The following CSMD1 variants were observed in gnomAD, a reference collection of about 807,000 sequenced individuals.
The protein encoded by CSMD1 is CUB and sushi domain-containing protein 1.
Under a neutral mutation model 417.5 loss-of-function variants are expected in CSMD1, and 213 were observed. That is an observed-to-expected ratio of 0.51 (90% CI 0.46 to 0.57). The LOEUF (loss-of-function observed/expected upper bound fraction) is 0.57. Among genes scored for constraint, CSMD1 ranks in the 20% least tolerant of loss-of-function variants. The pLI is 0.00. For missense variants in CSMD1, 6,923 were observed against 4,529.7 expected (o/e 1.53, Z -15.17); for synonymous variants, 2,862 against 1,736.8 (o/e 1.65, Z -16.11).
intron 3 of CSMD1, among the ~76,000 whole-genome samples, chr8:4,143,437 C>G (rs540312621): frequency 6.7e-6 from 1 of 148,818 alleles, no homozygotes; most frequent in Non-Finnish European, 1.5e-5. Context: ...GTTCGGATAC[C>G]TTTGGTAAAT....
At chr8:3,341,053 A>G (rs916058011) in intron 23 of CSMD1, among the ~76,000 whole-genome samples, 1 of 152,378 alleles carries the variant, frequency 6.6e-6, no homozygotes. Context: ...TCAAGCTTTT[A>G]CAAAGTTACT....
At chr8:4,836,584 TG>T (rs1258693572) in intron 1 of CSMD1, among the ~76,000 whole-genome samples, 1 of 152,258 alleles carries the variant, frequency 6.6e-6, no homozygotes, top group East Asian at 1.9e-4. Context: ...GAATAAGTTT[TG>T]ATTAGTATGC....
chr8:3,631,290 T>C (rs749129604), intron 7 of CSMD1, among the ~76,000 whole-genome samples: 12 of 152,176 alleles, frequency 7.9e-5, no homozygotes, highest in Non-Finnish European at 1.5e-4. Context: ...TGTAGGCCCA[T>C]GGTAGCAGCG....
chr8:3,768,013 G>A (rs1464404141), intron 5 of CSMD1, among the ~76,000 whole-genome samples: 1 of 152,104 alleles, frequency 6.6e-6, no homozygotes, highest in East Asian at 1.9e-4. Context: ...CAAACTCCAT[G>A]AATGCACCAG....
intron 3 of CSMD1, among the ~76,000 whole-genome samples, chr8:4,032,802 A>G (rs1797415758): frequency 6.6e-6 from 1 of 152,176 alleles, no homozygotes; most frequent in Non-Finnish European, 1.5e-5. Flanking sequence ...AATAAAATTC[A>G]AAGGCCGTCA....
chr8:4,338,597 A>G lies in CSMD1; in HGVS notation c.415+81356T>C, dbSNP rs1407466210. Among the ~76,000 whole-genome samples, 4 of 152,250 alleles carry G rather than the reference A, an allele frequency of 2.6e-5. No individual in the cohort carries two copies. The East Asian group carries it at 7.7e-4, about 29-fold the overall frequency. ...AACACCTCTGACATACTCATAATAG[A>G]AACACAGCAATTAAATCTTTAAATT... On this transcript the variant is annotated intron_variant, in intron 3 of 69. Coordinates refer to ENST00000635120, the MANE Select transcript of CSMD1 (RefSeq NM_033225.6).
chr8:4,306,664 G>A (rs543467197), intron 3 of CSMD1, among the ~76,000 whole-genome samples: 170 of 152,024 alleles, frequency 1.1e-3, no homozygotes, highest in Non-Finnish European at 1.2e-3. Context: ...TCACATGTAG[G>A]TGATTGTACA....
At chr8:3,760,053 T>C (rs1414430075) in intron 5 of CSMD1, among the ~76,000 whole-genome samples, 2 of 152,050 alleles carry the variant, frequency 1.3e-5, no homozygotes, top group Admixed American at 1.3e-4. Flanking sequence ...CAAACGGAGC[T>C]TGCCAGGTCA....
intron 3 of CSMD1, among the ~76,000 whole-genome samples, chr8:4,128,775 A>T (rs1315743879): frequency 6.6e-6 from 1 of 152,034 alleles, no homozygotes; most frequent in Non-Finnish European, 1.5e-5. Context: ...ACACACCATC[A>T]ACTCATCCTT....
Position 3,893,347 on chromosome 8 carries a change from A to G in CSMD1, c.818+104556T>C, listed in dbSNP as rs190829585. 6.5e-5 allele frequency among the ~76,000 whole-genome samples: 8 copies of G among 122,518 alleles called. 1 individual carries two copies. In the East Asian group the frequency reaches 1.5e-3, roughly 22 times the overall value. The allele number at this position is 122,518 out of a possible 152,430, so 80.4% of individuals were successfully genotyped here. ...TAATAATATTCACAATTTTATATAT[A>G]TATATATATATATATTATTTTTTTT... On this transcript the variant is annotated intron_variant, in intron 5 of 69. Transcript: ENST00000635120.
intron 3 of CSMD1, among the ~76,000 whole-genome samples, chr8:4,203,801 G>A (rs924471054): frequency 6.6e-6 from 1 of 152,084 alleles, no homozygotes; most frequent in East Asian, 1.9e-4. Flanking sequence ...TTTGAGGATG[G>A]ATTAAAACTA....
intron 57 of CSMD1, among the ~76,000 whole-genome samples, chr8:2,970,882 G>C (rs1213410788): frequency 6.6e-6 from 1 of 152,116 alleles, no homozygotes; most frequent in African/African-American, 2.4e-5. Context: ...TCCACACTTT[G>C]TTATAACTAC....
chr8:2,986,468 G>C (rs1279076869), intron 54 of CSMD1, among the ~76,000 whole-genome samples: 1 of 151,960 alleles, frequency 6.6e-6, no homozygotes, highest in Admixed American at 6.6e-5. Flanking sequence ...CTCCCTCTAA[G>C]GCCTACACAG....
chr8:4,217,496 T>C (rs759252206), intron 3 of CSMD1, among the ~76,000 whole-genome samples: 1 of 152,186 alleles, frequency 6.6e-6, no homozygotes, highest in Non-Finnish European at 1.5e-5. Flanking sequence ...ACATGACTCG[T>C]CCCTGGCATC....
At chr8:4,309,218 TAC>T (rs1255022313) in intron 3 of CSMD1, among the ~76,000 whole-genome samples, 10 of 152,224 alleles carry the variant, frequency 6.6e-5, no homozygotes, top group Admixed American at 5.9e-4. Context: ...AGTTTGATAT[TAC>T]CGTTAAGTGC....
At chr8:4,213,391 C>G (rs553738939) in intron 3 of CSMD1, among the ~76,000 whole-genome samples, 1 of 152,134 alleles carries the variant, frequency 6.6e-6, no homozygotes, top group Non-Finnish European at 1.5e-5. Context: ...TTACATGCTT[C>G]AATCCATCCT....
intron 3 of CSMD1, among the ~76,000 whole-genome samples, chr8:4,296,698 T>A (rs1024379695): frequency 6.8e-6 from 1 of 147,628 alleles, no homozygotes; most frequent in African/African-American, 2.5e-5. Flanking sequence ...AAATAAGGGT[T>A]TTTTTTTTTT....
intron 5 of CSMD1, among the ~76,000 whole-genome samples, chr8:3,957,290 C>T (rs1055790591): frequency 6.6e-6 from 1 of 152,164 alleles, no homozygotes; most frequent in Non-Finnish European, 1.5e-5. Context: ...TACTTTTGTG[C>T]CCTCAGAAAT....
At chr8:4,562,143 T>G (rs895636148) in intron 2 of CSMD1, among the ~76,000 whole-genome samples, 25 of 152,250 alleles carry the variant, frequency 1.6e-4, no homozygotes, top group African/African-American at 5.8e-4. Context: ...GTATCGTTAA[T>G]TAAGAGCAGA....
Sources: gnomAD v4.1 joint callset for allele counts (sites outside exome capture counted in the v4.1 genomes callset) on GRCh38, gnomAD v4.1.1 for gene constraint, MANE v1.5 for transcripts, NCBI Gene and HGNC (gene_info 2026-07-23, HGNC 2026-07-21) for gene names.